ACVR1: variants seen among roughly 807,000 people sequenced by gnomAD.
The protein encoded by ACVR1 is activin A receptor type 1.
ACVR1 carries 38 observed loss-of-function variants against 57.1 expected under a neutral mutation model. That is an observed-to-expected ratio of 0.67 (90% CI 0.51 to 0.87). The LOEUF (loss-of-function observed/expected upper bound fraction) is 0.87, where lower values mean the gene tolerates loss of function less well. Ranked by LOEUF, ACVR1 falls within the 40% of genes least tolerant of loss-of-function variation. The pLI is 0.00. For missense variants in ACVR1, 463 were observed against 638.2 expected (o/e 0.73, Z 2.96); for synonymous variants, 212 against 228.1 (o/e 0.93, Z 0.63).
chr2:157,759,514 CT>C (rs1685559545), intron 9 of ACVR1, among the ~76,000 whole-genome samples: 1 of 152,084 alleles, frequency 6.6e-6, no homozygotes, highest in African/African-American at 2.4e-5. Flanking sequence ...CTGCTGAATT[CT>C]TCCAAACTTA....
chr2:157,873,811 G>A (rs556250670), intron 1 of ACVR1, among the ~76,000 whole-genome samples: 2 of 152,038 alleles, frequency 1.3e-5, no homozygotes, highest in African/African-American at 2.4e-5. Context: ...GAAGAAAACT[G>A]GCAAATCACT....
At chr2:157,774,263 A>G (rs1179055513) in intron 5 of ACVR1, 76 bp from the exon 6 acceptor site, 1 of 1,178,728 alleles carries the variant, frequency 8.5e-7, no homozygotes, top group Non-Finnish European at 1.3e-6. Flanking sequence ...CATGCATGAC[A>G]TTGTAACTCA....
chr2:157,786,188 AC>A (rs751076298), intron 3 of ACVR1, among the ~76,000 whole-genome samples: 6 of 151,260 alleles, frequency 4.0e-5, no homozygotes, highest in Non-Finnish European at 8.8e-5. Context: ...TAAAGTAGGA[AC>A]CCCCCTTTAG....
At chr2:157,745,511 C>G (rs1014191837) in intron 9 of ACVR1, among the ~76,000 whole-genome samples, 3 of 152,136 alleles carry the variant, frequency 2.0e-5, no homozygotes, top group Non-Finnish European at 4.4e-5. Context: ...AGTTTTGCAG[C>G]CTTCAACTTA....
rs73023334 is a variant in ACVR1, at chr2:157,780,921, G to A, written c.68-321C>T. 0.03 allele frequency among the ~76,000 whole-genome samples: 4,506 copies of A among 152,190 alleles called. 225 individuals are homozygous for A. Among genetic ancestry groups the A allele is most frequent in the African/African-American group, 0.1 (4,252 of 41,514 alleles). On this transcript the variant is annotated intron_variant, in intron 3 of 10. Transcript: ENST00000434821. Reference sequence around the variant, plus strand: ...CTGTGGTGTTCATATAACCTTCAGCGTGATTGGCTCTAAGATCCCAATTAC... The same window carrying A: ...CTGTGGTGTTCATATAACCTTCAGCATGATTGGCTCTAAGATCCCAATTAC...
intron 3 of ACVR1, among the ~76,000 whole-genome samples, chr2:157,798,100 C>A (rs1687186449): frequency 6.6e-6 from 1 of 152,200 alleles, no homozygotes; most frequent in African/African-American, 2.4e-5. Context: ...TAGGCCAAGA[C>A]ATGGCCGTTG....
intron 1 of ACVR1, chr2:157,838,228 CAGG>C (rs1688857017): frequency 2.0e-5 from 3 of 152,166 alleles, no homozygotes; most frequent in Admixed American, 6.5e-5. Flanking sequence ...CGAATTCCAA[CAGG>C]AGAACTAACC....
At chr2:157,780,869 C>T (rs565281028) in intron 3 of ACVR1, among the ~76,000 whole-genome samples, 1 of 152,184 alleles carries the variant, frequency 6.6e-6, no homozygotes, top group Non-Finnish European at 1.5e-5. Flanking sequence ...CATCTGTCCA[C>T]AGACTTCTGA....
intron 1 of ACVR1, among the ~76,000 whole-genome samples, chr2:157,820,784 C>T (rs1242758587): frequency 3.9e-5 from 6 of 152,146 alleles, no homozygotes; most frequent in Admixed American, 3.9e-4. Flanking sequence ...CAACCTAGCA[C>T]TTAATTCTCT....
intron 1 of ACVR1, among the ~76,000 whole-genome samples, chr2:157,863,738 G>A (rs1001293443): frequency 6.6e-6 from 1 of 151,828 alleles, no homozygotes; most frequent in African/African-American, 2.4e-5. Context: ...TTTAGTAAGT[G>A]ATTTTCCTAA....
At chr2:157,778,066 G>A (rs1686358573) in intron 5 of ACVR1, 65 bp downstream of exon 5, 8 of 1,556,208 alleles carry the variant, frequency 5.1e-6, no homozygotes, top group Admixed American at 5.0e-5. Flanking sequence ...TTTCATGCTC[G>A]AAATAAGAAC....
At chr2:157,768,330 T>G (rs529081983) in intron 7 of ACVR1, among the ~76,000 whole-genome samples, 147 of 152,286 alleles carry the variant, frequency 9.7e-4, no homozygotes, top group Middle Eastern at 3.4e-3. Context: ...ATGTTTCTGC[T>G]TTAACAGTTT....
chr2:157,770,387 C>T lies in ACVR1; in HGVS notation c.771G>A (p.Leu257=), dbSNP rs200273753. ...ACTTACCTAAGATATTTTCATGCCT[C>T]AGCATCACAGTGTTGTACAATTCCG... The part of the protein sequence containing the change: ...RETELYNTVM[L]RHENILGFIA... Residue 257 remains leucine (L), a synonymous_variant, in exon 7 of 11, where the codon CTG becomes CTA. Coordinates refer to ENST00000434821, the MANE Select transcript of ACVR1 (RefSeq NM_001111067.4). 3.0e-5 allele frequency: 49 copies of T among 1,613,962 alleles called. No individual in the cohort carries two copies. Among genetic ancestry groups the T allele is most frequent in the Non-Finnish European group, 3.8e-5 (45 of 1,179,952 alleles).
intron 9 of ACVR1, among the ~76,000 whole-genome samples, chr2:157,754,086 A>T (rs1685321218): frequency 6.6e-6 from 1 of 152,230 alleles, no homozygotes; most frequent in South Asian, 2.1e-4. Flanking sequence ...CAACCTAACA[A>T]AACCTCTGGA....
In ACVR1 at chr2:157,820,752, T is replaced by C. The variant is rs567085609; in HGVS notation, c.-182-2193A>G. Among the ~76,000 whole-genome samples the C allele has an allele frequency of 5.3e-5, 8 of 152,248 alleles. No individual in the cohort carries two copies. In the South Asian group the frequency reaches 1.7e-3, roughly 32 times the overall value. On this transcript the variant is annotated intron_variant, in intron 1 of 10. Coordinates refer to ENST00000434821, the MANE Select transcript of ACVR1 (RefSeq NM_001111067.4). ...TCCCAGATCTTTCTAATTCCCCTGG[T>C]ATTTATATTCTATATGACGAACAAC...
chr2:157,838,262 G>GA (rs1249128801), intron 1 of ACVR1: 1 of 152,080 alleles, frequency 6.6e-6, no homozygotes, highest in Non-Finnish European at 1.5e-5. Context: ...CAATATCTCT[G>GA]AAACGCTATT....
chr2:157,837,702 T>C (rs1389128038), intron 1 of ACVR1, among the ~76,000 whole-genome samples: 1 of 152,158 alleles, frequency 6.6e-6, no homozygotes, highest in East Asian at 1.9e-4. Flanking sequence ...AACTTCATTC[T>C]GTGAGTAACC....
intron 7 of ACVR1, among the ~76,000 whole-genome samples, chr2:157,768,436 G>A (rs1685954913): frequency 6.6e-6 from 1 of 152,114 alleles, no homozygotes; most frequent in South Asian, 2.1e-4. Flanking sequence ...TTATATATCT[G>A]TGTAGCCTCT....
At chr2:157,773,734 A>T (rs1000240138) in intron 6 of ACVR1, among the ~76,000 whole-genome samples, 6 of 152,250 alleles carry the variant, frequency 3.9e-5, no homozygotes, top group African/African-American at 1.4e-4. Flanking sequence ...GAATTGCAAT[A>T]AAGAAGTTCA....
Sources: gnomAD v4.1 joint callset for allele counts (sites outside exome capture counted in the v4.1 genomes callset) on GRCh38, gnomAD v4.1.1 for gene constraint, MANE v1.5 for transcripts, NCBI Gene and HGNC (gene_info 2026-07-23, HGNC 2026-07-21) for gene names.